TSFM: variants seen among roughly 807,000 people sequenced by gnomAD.
TSFM encodes Ts translation elongation factor, mitochondrial.
In TSFM, 29 loss-of-function variants were observed where a neutral mutation model predicts 33.4. The observed-to-expected ratio is 0.87, with a 90% CI of 0.65 to 1.18. The LOEUF (loss-of-function observed/expected upper bound fraction) is 1.18, where lower values mean the gene tolerates loss of function less well. Among genes scored for constraint, TSFM ranks in the 50% most tolerant of loss-of-function variants. The pLI, the probability that TSFM is intolerant of heterozygous loss-of-function variation, is 0.00. For missense variants in TSFM, 394 were observed against 395.6 expected, an observed-to-expected ratio of 1.00 and a Z score of 0.04; for synonymous variants, 178 against 163.5, an observed-to-expected ratio of 1.09 and a Z score of -0.68.
rs2140429206 is a variant in TSFM at position 57,796,445 on chromosome 12, G to A, written c.840G>A (p.Glu280=). The A allele has an allele frequency of 3.7e-6, 6 of 1,600,214 alleles. No individual in the cohort carries two copies. The South Asian group carries it at 5.6e-5, about 15-fold the overall frequency. The change falls in exon 6 of 6, where the codon GAG becomes GAA. Residue 280 remains glutamate (E), a synonymous_variant. Coordinates refer to ENST00000652027, the MANE Select transcript of TSFM (RefSeq NM_005726.6). The stretch of plus-strand genomic sequence containing the variant: ...ACGATGAGCCTGGGGGAGAGGCAGA[G>A]ACTAAGATGCTGTCCCAGCCGTATT... ...SLDDEPGGEA[E]TKMLSQPYLL...
chr12:57,802,431 C>T, downstream of TSFM: 2 of 1,466,970 alleles, frequency 1.4e-6, no homozygotes, highest in Non-Finnish European at 1.9e-6. Context: ...CCTATCTTTC[C>T]CCTTTCTTTC....
At chr12:57,798,055 G>T, downstream of TSFM, 1 of 1,314,842 alleles carries the variant, frequency 7.6e-7, no homozygotes. Context: ...GCCAACAGAA[G>T]TTGAGGAAGT....
intron 5 of TSFM, among the ~76,000 whole-genome samples, chr12:57,794,614 C>G (rs1435760931): frequency 2.0e-5 from 3 of 152,150 alleles, no homozygotes; most frequent in African/African-American, 7.2e-5. Context: ...GAAAAAGCAC[C>G]TAATTGCTTT....
chr12:57,786,059 GTTAGAGAAT>G, intron 2 of TSFM, 95 bp from the exon 3 acceptor site: 1 of 1,348,808 alleles, frequency 7.4e-7, no homozygotes, highest in Non-Finnish European at 9.8e-7. Context: ...TTTAGTTTCT[GTTAGAGAAT>G]TTAGAGAATC....
At position 57,782,871 on chromosome 12, in the gene TSFM, G is replaced by C; in HGVS notation, c.57+13G>C. The C allele has an allele frequency of 6.3e-7, 1 of 1,589,458 alleles. No homozygotes were observed. The highest frequency in any genetic ancestry group is 1.1e-5 in the South Asian group (1 of 87,370). ...CGGGAGCTACCCGGTGAGAAGTCCTGGTGCTGGTACCGACCTGCTGTCCCT... is the reference window on the plus strand; with the variant it reads ...CGGGAGCTACCCGGTGAGAAGTCCTCGTGCTGGTACCGACCTGCTGTCCCT... On this transcript the variant is annotated intron_variant, in intron 1 of 5. Coordinates refer to ENST00000652027, the MANE Select transcript of TSFM (RefSeq NM_005726.6).
intron 2 of TSFM, chr12:57,784,126 C>T (rs751816505): frequency 1.4e-6 from 1 of 702,556 alleles, no homozygotes; most frequent in South Asian, 1.5e-5. Context: ...CAAACCGTTA[C>T]AAAATGTTAC....
At chr12:57,784,441 A>G (rs972016890) in intron 2 of TSFM, among the ~76,000 whole-genome samples, 1 of 152,254 alleles carries the variant, frequency 6.6e-6, no homozygotes, top group African/African-American at 2.4e-5. Flanking sequence ...GTTTAATGTA[A>G]CATTTTTATT....
chr12:57,784,604 C>T (rs1223010058), intron 2 of TSFM, among the ~76,000 whole-genome samples: 10 of 151,784 alleles, frequency 6.6e-5, no homozygotes, highest in African/African-American at 1.5e-4. Context: ...TTTGGCTGGG[C>T]GTGGTGGCTC....
At chr12:57,795,072 C>CATAT (rs56126635) in intron 5 of TSFM, among the ~76,000 whole-genome samples, 35,313 of 134,844 alleles carry the variant, frequency 0.26, 5,565 homozygotes, top group East Asian at 0.63. Flanking sequence ...GTTAATGCTC[C>CATAT]ATATATATAT....
At chr12:57,784,249 A>G (rs1955558636) in intron 2 of TSFM, 1 of 648,530 alleles carries the variant, frequency 1.5e-6, no homozygotes, top group East Asian at 2.8e-5. Context: ...CTCCATAGGG[A>G]ACTTATCATG....
downstream of TSFM, among the ~76,000 whole-genome samples, chr12:57,798,357 G>A (rs1160085213): frequency 1.3e-5 from 2 of 152,166 alleles, no homozygotes; most frequent in South Asian, 2.1e-4. Flanking sequence ...TTTTCTGCCC[G>A]TAACTACCAT....
chr12:57,792,318 G>A (rs1955673313), intron 4 of TSFM, among the ~76,000 whole-genome samples: 1 of 152,232 alleles, frequency 6.6e-6, no homozygotes. Flanking sequence ...GGAGACTGAA[G>A]CAGGAGGATC....
In TSFM at chr12:57,787,103, G is replaced by A. The variant is rs1955601141; in HGVS notation, c.424G>A (p.Ala142Thr). ...LKFQLLVQQV[A>T]LGTMMHCQTL... ...ATTTCAACTGTTGGTCCAGCAAGTA[G>A]CCCTTGGAACCATGATGCATTGTCA... Residue 142 changes from alanine (A) to threonine (T), a missense_variant, in exon 4 of 6, where the codon GCC becomes ACC. This residue lies in a region of TSFM where 208 missense variants were observed against 180.4 expected (regional missense o/e 1.15). Coordinates refer to ENST00000652027, the MANE Select transcript of TSFM (RefSeq NM_005726.6). 1 of 1,610,102 alleles carries A rather than the reference G, an allele frequency of 6.2e-7. No individual in the cohort carries two copies. Among genetic ancestry groups the A allele is most frequent in the African/African-American group, 1.3e-5 (1 of 74,994 alleles).
downstream of TSFM, chr12:57,799,974 G>C: frequency 6.2e-7 from 1 of 1,603,432 alleles, no homozygotes; most frequent in Non-Finnish European, 8.5e-7. Context: ...TGTCTGTGTG[G>C]TTACAGTTCT....
Position 57,796,249 on chromosome 12 carries a change from C to T in TSFM, c.644C>T (p.Ser215Phe), listed in dbSNP as rs376562033. ...GTGCCATCTGGGTTCTACGTTGGCTCTTATGTCCACGGAGCAATGCAGAGT... is the reference window on the plus strand; with the variant it reads ...GTGCCATCTGGGTTCTACGTTGGCTTTTATGTCCACGGAGCAATGCAGAGT... ...VKVPSGFYVGSYVHGAMQSPS... is the reference protein window; with the variant it reads ...VKVPSGFYVGFYVHGAMQSPS... The change falls in exon 6 of 6, where the codon TCT (serine) becomes TTT (phenylalanine). Residue 215 changes from serine (S) to phenylalanine (F), a missense_variant. This residue lies in a region of TSFM where 186 missense variants were observed against 198.8 expected (regional missense o/e 0.94). Coordinates refer to ENST00000652027, the MANE Select transcript of TSFM (RefSeq NM_005726.6). 1.6e-4 allele frequency: 254 copies of T among 1,613,290 alleles called. No homozygotes were observed. The highest frequency in any genetic ancestry group is 3.8e-4 in the South Asian group (35 of 90,982).
Position 57,796,209 on chromosome 12 carries a change from G to C in TSFM, c.604G>C (p.Ala202Pro), listed in dbSNP as rs1177606922. 1.9e-5 allele frequency: 30 copies of C among 1,590,974 alleles called. No homozygotes were observed. The highest frequency in any genetic ancestry group is 2.4e-5 in the Non-Finnish European group (28 of 1,167,748). ...KLGENMILKR[A>P]AWVKVPSGFY... ...GGGAGAAAACATGATTCTTAAACGA[G>C]CTGCATGGGTGAAGGTGCCATCTGG... Residue 202 changes from alanine (A) to proline (P), a missense_variant, in exon 6 of 6, where the codon GCT becomes CCT. Around this residue, in one of 3 missense-constraint regions of TSFM, gnomAD observed 186 missense variants for 198.8 expected, o/e 0.94. Coordinates refer to ENST00000652027, the MANE Select transcript of TSFM (RefSeq NM_005726.6).
At chr12:57,790,060 CTTTTTT>C (rs35382401) in intron 4 of TSFM, among the ~76,000 whole-genome samples, 4 of 105,440 alleles carry the variant, frequency 3.8e-5, no homozygotes, top group Admixed American at 1.1e-4. Flanking sequence ...TTCTTTCTTT[CTTTTTT>C]TTTTTTTTTT....
At position 57,796,260 on chromosome 12, in the gene TSFM, GGAGCAATGCA is replaced by G; in HGVS notation, c.659_668del (p.Ala220ValfsTer85). 1 of 1,613,246 alleles carries G rather than the reference GGAGCAATGCA, an allele frequency of 6.2e-7. No individual in the cohort carries two copies. The highest frequency in any genetic ancestry group is 2.2e-5 in the East Asian group (1 of 44,878). On this transcript the variant is annotated frameshift_variant, in exon 6 of 6. Transcript: ENST00000652027. LOFTEE classifies it high-confidence loss of function. Reference sequence around the variant, plus strand: ...GTTCTACGTTGGCTCTTATGTCCACGGAGCAATGCAGAGTCCCTCACTTCACAAGCTGGTG... The same window carrying G: ...GTTCTACGTTGGCTCTTATGTCCACGGAGTCCCTCACTTCACAAGCTGGTG...
chr12:57,784,104 G>T (rs1955556421), intron 2 of TSFM: 3 of 702,676 alleles, frequency 4.3e-6, no homozygotes, highest in East Asian at 5.4e-5. Context: ...ATTGCCAGCT[G>T]CTCCTAGGCT....
Sources: gnomAD v4.1 joint callset for allele counts (sites outside exome capture counted in the v4.1 genomes callset) on GRCh38, gnomAD v4.1.1 for gene constraint, gnomAD v4.1.1 regional missense constraint, MANE v1.5 for transcripts, NCBI Gene and HGNC (gene_info 2026-07-23, HGNC 2026-07-21) for gene names.